Variants in FBXW7 observed in about 807,000 individuals in gnomAD.
FBXW7 encodes F-box/WD repeat-containing protein 7.
Under a neutral mutation model 86.3 loss-of-function variants are expected in FBXW7, and 11 were observed. That is an observed-to-expected ratio of 0.13 (90% CI 0.08 to 0.21). The LOEUF is 0.21. FBXW7 is among the 10% of genes least tolerant of loss of function. FBXW7 has a pLI of 1.00. For missense variants in FBXW7, 488 were observed against 847.4 expected, an observed-to-expected ratio of 0.58 and a Z score of 5.27; for synonymous variants, 313 against 297.9, an observed-to-expected ratio of 1.05 and a Z score of -0.52.
chr4:152,354,423 G>GA (rs1272709701), intron 4 of FBXW7, among the ~76,000 whole-genome samples: 1 of 152,016 alleles, frequency 6.6e-6, no homozygotes, highest in Non-Finnish European at 1.5e-5. Context: ...AGGAAAGGGG[G>GA]AAAAAAGGTG....
chr4:152,531,538 C>T (rs561260273), intron 2 of FBXW7, among the ~76,000 whole-genome samples: 146 of 150,752 alleles, frequency 9.7e-4, no homozygotes, highest in African/African-American at 3.4e-3. Context: ...TTTTTAAATG[C>T]CAAGTTGCTT....
At chr4:152,527,090 A>C (rs1338814804) in intron 2 of FBXW7, among the ~76,000 whole-genome samples, 1 of 152,254 alleles carries the variant, frequency 6.6e-6, no homozygotes, top group Admixed American at 6.5e-5. Flanking sequence ...TATGCCAGGC[A>C]CTGGATTAAG....
chr4:152,520,656 T>C (rs1011104713), intron 2 of FBXW7, among the ~76,000 whole-genome samples: 6 of 152,086 alleles, frequency 3.9e-5, no homozygotes, highest in African/African-American at 1.4e-4. Flanking sequence ...CTCCATGATG[T>C]AAAAATGATA....
chr4:152,377,623 G>T (rs1158748447), intron 4 of FBXW7, among the ~76,000 whole-genome samples: 5 of 151,486 alleles, frequency 3.3e-5, no homozygotes, highest in African/African-American at 1.2e-4. Context: ...AAGTTAGCTG[G>T]GCATGGTGGT....
At chr4:152,489,326 T>C (rs1454767946) in intron 2 of FBXW7, 1 of 154,360 alleles carries the variant, frequency 6.5e-6, no homozygotes, top group Non-Finnish European at 1.5e-5. Context: ...TTTAGAAAAG[T>C]CACTCCTGAA....
At chr4:152,434,960 C>G (rs1015875892) in intron 2 of FBXW7, among the ~76,000 whole-genome samples, 2 of 49,686 alleles carry the variant, frequency 4.0e-5, no homozygotes, top group African/African-American at 4.8e-4. Flanking sequence ...CCCCCCGCTC[C>G]CCCCCCCCCA....
At chr4:152,501,432 CA>C (rs1746939623) in intron 2 of FBXW7, among the ~76,000 whole-genome samples, 1 of 151,976 alleles carries the variant, frequency 6.6e-6, no homozygotes, top group Non-Finnish European at 1.5e-5. Flanking sequence ...CTGTAGAAAT[CA>C]AAAACATGGA....
At chr4:152,495,270 T>C (rs1348107397) in intron 2 of FBXW7, among the ~76,000 whole-genome samples, 3 of 151,780 alleles carry the variant, frequency 2.0e-5, no homozygotes, top group African/African-American at 7.3e-5. Context: ...CCGTCTCTAC[T>C]AAAAATTTAA....
chr4:152,410,124 C>T (rs182762983), intron 4 of FBXW7, among the ~76,000 whole-genome samples: 73 of 152,256 alleles, frequency 4.8e-4, no homozygotes, highest in Admixed American at 3.3e-3. Context: ...AATAACTCTG[C>T]ATTGTTCCGC....
At chr4:152,512,661 C>T (rs901562514) in intron 2 of FBXW7, among the ~76,000 whole-genome samples, 2 of 152,096 alleles carry the variant, frequency 1.3e-5, no homozygotes, top group African/African-American at 4.8e-5. Flanking sequence ...TGTATGACTC[C>T]ATTTATAAGA....
At chr4:152,388,297 A>AT (rs1735719250) in intron 4 of FBXW7, among the ~76,000 whole-genome samples, 2 of 152,202 alleles carry the variant, frequency 1.3e-5, no homozygotes, top group African/African-American at 4.8e-5. Context: ...ACTAAGAGAA[A>AT]TATGCTTGGG....
At chr4:152,343,161 T>C (rs918014976) in intron 6 of FBXW7, among the ~76,000 whole-genome samples, 7 of 152,168 alleles carry the variant, frequency 4.6e-5, no homozygotes, top group African/African-American at 1.4e-4. Context: ...TTTAAAAATA[T>C]TTTTAGTATA....
Position 152,477,587 on chromosome 4 carries a change from G to A in FBXW7, c.-120+57354C>T, listed in dbSNP as rs999920106. 2.0e-5 allele frequency among the ~76,000 whole-genome samples: 3 copies of A among 152,218 alleles called. No individual in the cohort carries two copies. In the South Asian group the frequency reaches 6.2e-4, roughly 32 times the overall value. On this transcript the variant is annotated intron_variant, in intron 2 of 13. Coordinates refer to ENST00000281708, the MANE Select transcript of FBXW7 (RefSeq NM_001349798.2). ...ATAAATACTCAACCACTGCATATTT[G>A]TCATTTGAATTTTTCATATATCATC...
At chr4:152,372,352 A>C (rs1734079037) in intron 4 of FBXW7, among the ~76,000 whole-genome samples, 1 of 151,986 alleles carries the variant, frequency 6.6e-6, no homozygotes, top group Non-Finnish European at 1.5e-5. Flanking sequence ...ATTTAGTTCC[A>C]TGCTCTTGGA....
At chr4:152,504,866 C>A (rs7694164) in intron 2 of FBXW7, among the ~76,000 whole-genome samples, 4 of 152,048 alleles carry the variant, frequency 2.6e-5, no homozygotes, top group Middle Eastern at 3.4e-3. Context: ...CTCCATCAGG[C>A]TAAATATCTT....
chr4:152,465,564 G>A (rs1743328756), intron 2 of FBXW7, among the ~76,000 whole-genome samples: 1 of 151,726 alleles, frequency 6.6e-6, no homozygotes. Context: ...TACCCATCTG[G>A]CCAGGCGCGG....
At chr4:152,485,357 G>A (rs902051434) in intron 2 of FBXW7, among the ~76,000 whole-genome samples, 3 of 151,976 alleles carry the variant, frequency 2.0e-5, no homozygotes, top group Admixed American at 6.6e-5. Context: ...TGGGCTATAC[G>A]CTATAAATAA....
intron 4 of FBXW7, among the ~76,000 whole-genome samples, chr4:152,383,422 A>C (rs1735264064): frequency 6.6e-6 from 1 of 152,164 alleles, no homozygotes; most frequent in African/African-American, 2.4e-5. Context: ...ACTTTCCAGC[A>C]TTATCTCAAA....
intron 4 of FBXW7, 39 bp from the exon 5 acceptor site, chr4:152,350,163 C>T (rs1301736998): frequency 1.3e-5 from 17 of 1,261,254 alleles, no homozygotes; most frequent in Non-Finnish European, 1.8e-5. Flanking sequence ...TTTTAAAAAT[C>T]GTCTAACTAT....
Sources: gnomAD v4.1 joint callset for allele counts (sites outside exome capture counted in the v4.1 genomes callset) on GRCh38, gnomAD v4.1.1 for gene constraint, MANE v1.5 for transcripts, NCBI Gene and HGNC (gene_info 2026-07-23, HGNC 2026-07-21) for gene names.